The following TMPRSS4 variants were observed in gnomAD, a reference collection of about 807,000 sequenced individuals.
The protein encoded by TMPRSS4 is transmembrane serine protease 4.
A neutral mutation model predicts 56.4 loss-of-function variants in TMPRSS4; 45 were observed. The observed-to-expected ratio is 0.80, with a 90% CI of 0.63 to 1.02. The LOEUF is 1.02. Ranked by LOEUF, TMPRSS4 falls within the 50% of genes least tolerant of loss-of-function variation. TMPRSS4 has a pLI of 0.00. For synonymous variants in TMPRSS4, 205 were observed against 211.0 expected, an observed-to-expected ratio of 0.97 and a Z score of 0.25; for missense variants, 546 against 556.7, an observed-to-expected ratio of 0.98 and a Z score of 0.19.
intron 11 of TMPRSS4, 68 bp downstream of exon 11, chr11:118,115,348 C>A: frequency 1.3e-6 from 2 of 1,559,786 alleles, no homozygotes; most frequent in Non-Finnish European, 1.7e-6. Context: ...TGAGAAAACC[C>A]AGAGGCTGCA....
downstream of TMPRSS4, among the ~76,000 whole-genome samples, chr11:118,122,951 TGAG>T (rs1358149351): frequency 6.6e-6 from 1 of 152,140 alleles, no homozygotes; most frequent in African/African-American, 2.4e-5. Context: ...TTCTGCCATG[TGAG>T]GACATAGCAA....
chr11:118,087,427 C>T (rs892469777), intron 1 of TMPRSS4, among the ~76,000 whole-genome samples: 2 of 152,182 alleles, frequency 1.3e-5, no homozygotes, highest in Non-Finnish European at 2.9e-5. Flanking sequence ...GGTGGACTTG[C>T]CTGTTTCATT....
intron 5 of TMPRSS4, 63 bp from the exon 6 acceptor site, chr11:118,107,711 C>A (rs1565434183): frequency 2.8e-6 from 4 of 1,442,438 alleles, no homozygotes; most frequent in East Asian, 2.4e-5. Context: ...GGGGCCAACT[C>A]TACCATCTTG....
At chr11:118,123,225 G>T (rs1036343886), downstream of TMPRSS4, among the ~76,000 whole-genome samples, 2 of 152,054 alleles carry the variant, frequency 1.3e-5, no homozygotes, top group African/African-American at 4.8e-5. Flanking sequence ...GAAGGGATCA[G>T]GCTATCATCA....
At chr11:118,113,592 C>T (rs935370055) in intron 9 of TMPRSS4, among the ~76,000 whole-genome samples, 157 bp downstream of exon 9, 14 of 152,198 alleles carry the variant, frequency 9.2e-5, no homozygotes, top group African/African-American at 3.4e-4. Flanking sequence ...TCACTGATGC[C>T]ATGAGGCCTC....
chr11:118,118,966 T>C lies in TMPRSS4; in HGVS notation c.*1053T>C. ...GAATAAGTCCCTGCACTCAAAATGG[T>C]CAAAGAATTAAACCCCATGGACTTT... On this transcript the variant is annotated 3_prime_UTR_variant, in exon 13 of 13. Transcript: ENST00000437212. 4 of 985,352 alleles carry C rather than the reference T, an allele frequency of 4.1e-6. No individual in the cohort carries two copies. The highest frequency in any genetic ancestry group is 4.8e-6 in the Non-Finnish European group (4 of 829,918). The allele number at this position is 985,352 out of a possible 1,614,324, so 61.0% of individuals were successfully genotyped here.
chr11:118,090,494 G>A (rs1411476789), intron 1 of TMPRSS4, among the ~76,000 whole-genome samples: 1 of 151,752 alleles, frequency 6.6e-6, no homozygotes, highest in Non-Finnish European at 1.5e-5. Context: ...AACATATTAA[G>A]AGCCAGGCAT....
chr11:118,108,754 G>A, intron 6 of TMPRSS4, 102 bp from the exon 7 acceptor site: 3 of 1,131,444 alleles, frequency 2.7e-6, no homozygotes, highest in South Asian at 1.3e-5. Context: ...CATTCCCGAG[G>A]TATTGGGAGG....
At chr11:118,104,269 G>A (rs1946874576) in intron 4 of TMPRSS4, among the ~76,000 whole-genome samples, 1 of 152,204 alleles carries the variant, frequency 6.6e-6, no homozygotes, top group African/African-American at 2.4e-5. Context: ...ACTTGGAGAA[G>A]GACTTAGGTC....
intron 1 of TMPRSS4, among the ~76,000 whole-genome samples, chr11:118,090,075 C>T (rs546433924): frequency 5.1e-4 from 77 of 152,234 alleles, no homozygotes; most frequent in African/African-American, 1.5e-3. Flanking sequence ...GAACTCCTGA[C>T]GTCAGATCCA....
At chr11:118,091,605 A>G (rs1945970864) in intron 1 of TMPRSS4, among the ~76,000 whole-genome samples, 2 of 151,854 alleles carry the variant, frequency 1.3e-5, no homozygotes, top group African/African-American at 2.4e-5. Flanking sequence ...TCTTGCTGGG[A>G]TGATTTCTTG....
chr11:118,115,105 A>G (rs1236814436), intron 10 of TMPRSS4, 33 bp from the exon 11 acceptor site: 1 of 1,600,492 alleles, frequency 6.2e-7, no homozygotes, highest in Non-Finnish European at 8.5e-7. Flanking sequence ...ATAGAAGGCA[A>G]GGATGGGAAT....
At chr11:118,101,820 C>T (rs1280036576) in intron 3 of TMPRSS4, among the ~76,000 whole-genome samples, 1 of 152,140 alleles carries the variant, frequency 6.6e-6, no homozygotes, top group African/African-American at 2.4e-5. Context: ...GGATTAAACA[C>T]ACTCAACATC....
At chr11:118,105,543 T>C (rs1215510154) in intron 5 of TMPRSS4, 1 of 152,160 alleles carries the variant, frequency 6.6e-6, no homozygotes. Context: ...CCCTAATTCT[T>C]GCGCATTAGG....
intron 1 of TMPRSS4, among the ~76,000 whole-genome samples, chr11:118,080,262 T>G (rs147796799): frequency 6.6e-6 from 1 of 152,226 alleles, no homozygotes; most frequent in East Asian, 1.9e-4. Context: ...CTCTGAAGGA[T>G]GGGCAGGCTC....
intron 2 of TMPRSS4, 151 bp downstream of exon 2, chr11:118,095,006 C>G: frequency 1.3e-6 from 1 of 799,506 alleles, no homozygotes; most frequent in Non-Finnish European, 2.1e-6. Flanking sequence ...ATCCATCACT[C>G]AGCAAACATT....
intron 8 of TMPRSS4, among the ~76,000 whole-genome samples, chr11:118,112,190 A>G (rs1591404614): frequency 6.6e-6 from 1 of 151,578 alleles, no homozygotes; most frequent in East Asian, 1.9e-4. Context: ...AGCTCTTCCC[A>G]CCTGCCTCAA....
intron 7 of TMPRSS4, among the ~76,000 whole-genome samples, chr11:118,111,392 G>T (rs1947268221): frequency 6.6e-6 from 1 of 152,130 alleles, no homozygotes; most frequent in Admixed American, 6.5e-5. Flanking sequence ...AGTGGCTGGG[G>T]ACACGCCACC....
chr11:118,121,940 T>C (rs1014881376), downstream of TMPRSS4: 6 of 152,336 alleles, frequency 3.9e-5, no homozygotes, highest in South Asian at 1.2e-3. Context: ...GGGTTAAATA[T>C]TAATGTTATG....
Sources: gnomAD v4.1 joint callset for allele counts (sites outside exome capture counted in the v4.1 genomes callset) on GRCh38, gnomAD v4.1.1 for gene constraint, MANE v1.5 for transcripts, NCBI Gene and HGNC (gene_info 2026-07-23, HGNC 2026-07-21) for gene names.